RBFOX1: variants seen among roughly 807,000 people sequenced by gnomAD.
RBFOX1 encodes the protein RNA binding protein fox-1 homolog 1.
RBFOX1 carries 8 observed loss-of-function variants against 57.7 expected under a neutral mutation model. The observed-to-expected ratio is 0.14, with a 90% CI of 0.08 to 0.25. The LOEUF (loss-of-function observed/expected upper bound fraction) is 0.25, where lower values mean the gene tolerates loss of function less well. RBFOX1 is among the 10% of genes least tolerant of loss of function. RBFOX1 has a pLI of 1.00. For synonymous variants in RBFOX1, 326 were observed against 222.4 expected, an observed-to-expected ratio of 1.47 and a Z score of -4.15; for missense variants, 611 against 548.5, an observed-to-expected ratio of 1.11 and a Z score of -1.14.
At chr16:7,683,485 A>G (rs943344962) in intron 14 of RBFOX1, among the ~76,000 whole-genome samples, 4 of 152,050 alleles carry the variant, frequency 2.6e-5, no homozygotes, top group African/African-American at 9.7e-5. Flanking sequence ...AAAAGAACCA[A>G]TCCTGTAACA....
chr16:6,637,485 C>G (rs1338848522), intron 2 of RBFOX1, among the ~76,000 whole-genome samples: 3 of 43,876 alleles, frequency 6.8e-5, no homozygotes, highest in African/African-American at 1.3e-4. Context: ...ATATAATATC[C>G]TATATATTAT....
intron 1 of RBFOX1, among the ~76,000 whole-genome samples, chr16:5,347,999 C>T (rs1019401014): frequency 1.4e-4 from 21 of 146,818 alleles, no homozygotes; most frequent in African/African-American, 5.3e-4. Flanking sequence ...ACCTGCCCAT[C>T]CATCCATCCA....
intron 10 of RBFOX1, among the ~76,000 whole-genome samples, chr16:7,613,433 C>T (rs922226905): frequency 1.3e-5 from 2 of 152,100 alleles, no homozygotes; most frequent in South Asian, 2.1e-4. Context: ...CATGTGATCA[C>T]CAAAGTCACC....
At chr16:6,694,356 A>G (rs76497191) in intron 3 of RBFOX1, among the ~76,000 whole-genome samples, 11,299 of 152,284 alleles carry the variant, frequency 0.074, 466 homozygotes, top group Non-Finnish European at 0.084. Context: ...GAGATTAATT[A>G]TGTAGATTAT....
At chr16:7,405,839 A>G (rs1277276392) in intron 4 of RBFOX1, among the ~76,000 whole-genome samples, 1 of 152,100 alleles carries the variant, frequency 6.6e-6, no homozygotes, top group Non-Finnish European at 1.5e-5. Flanking sequence ...TACCTGGAGC[A>G]TTGAGATCAC....
chr16:7,413,945 A>T lies in RBFOX1; in HGVS notation c.28-104202A>T, dbSNP rs376581146. On this transcript the variant is annotated intron_variant, in intron 4 of 15. Transcript: ENST00000550418. ...GGCACATTGTAACAGCTCATTAGTA[A>T]TTACTTTCCAAACTCCAAGGAGATG... 5.3e-5 allele frequency among the ~76,000 whole-genome samples: 8 copies of T among 152,142 alleles called. No homozygotes were observed. The East Asian group carries it at 1.4e-3, about 26-fold the overall frequency.
intron 4 of RBFOX1, among the ~76,000 whole-genome samples, chr16:7,373,503 C>T (rs948903171): frequency 6.6e-6 from 1 of 152,116 alleles, no homozygotes; most frequent in Non-Finnish European, 1.5e-5. Flanking sequence ...TGTTAATCTC[C>T]AGTCCCTTGT....
chr16:6,663,363 G>A (rs2098713034), intron 3 of RBFOX1, among the ~76,000 whole-genome samples: 1 of 152,100 alleles, frequency 6.6e-6, no homozygotes, highest in Non-Finnish European at 1.5e-5. Context: ...CCTGGTTTAG[G>A]GCTTATATGC....
intron 4 of RBFOX1, among the ~76,000 whole-genome samples, chr16:7,514,325 C>T (rs2075866506): frequency 6.6e-6 from 1 of 152,316 alleles, no homozygotes; most frequent in African/African-American, 2.4e-5. Flanking sequence ...CCTACCCTAT[C>T]TCCTGCTGCC....
chr16:5,733,484 G>A (rs1194170088), intron 3 of RBFOX1, among the ~76,000 whole-genome samples: 4 of 152,176 alleles, frequency 2.6e-5, no homozygotes, highest in Non-Finnish European at 5.9e-5. Context: ...TGCTGTCAGT[G>A]GAGTAGCTGC....
intron 4 of RBFOX1, among the ~76,000 whole-genome samples, chr16:7,091,490 G>C (rs958933118): frequency 6.6e-6 from 1 of 151,760 alleles, no homozygotes; most frequent in East Asian, 1.9e-4. Context: ...ATGCCAGGCG[G>C]CAGCATCTCT....
intron 4 of RBFOX1, among the ~76,000 whole-genome samples, chr16:7,246,633 C>CTTTTTTTTTTTTTTTTTTTTTTTTT (rs56654382): frequency 9.5e-6 from 1 of 105,500 alleles, no homozygotes; most frequent in African/African-American, 4.3e-5. Flanking sequence ...TGGTCACCTC[C>CTTTTTTTTTTTTTTTTTTTTTTTTT]TTTTTTTTTT....
Position 6,097,847 on chromosome 16 carries a change from G to C in RBFOX1, c.-127+77855G>C, listed in dbSNP as rs2096263508. Among the ~76,000 whole-genome samples, 3 of 151,946 alleles carry C rather than the reference G, an allele frequency of 2.0e-5. No individual in the cohort carries two copies. The highest frequency in any genetic ancestry group is 2.0e-4 in the Admixed American group (3 of 15,250). On this transcript the variant is annotated intron_variant, in intron 1 of 15. Coordinates refer to ENST00000550418, the MANE Select transcript of RBFOX1 (RefSeq NM_018723.4). This position sits in a 1 kb window ranked among gnomAD's most constrained non-coding sequence, Gnocchi z 5.0. ...TTACTGGTGGAGTGGAAGTCCCTTG[G>C]AAGTGGGGGACGTGTCTGATTTGTG...
At chr16:6,916,613 G>A (rs1390331238) in intron 3 of RBFOX1, among the ~76,000 whole-genome samples, 4 of 151,890 alleles carry the variant, frequency 2.6e-5, no homozygotes, top group African/African-American at 9.7e-5. Context: ...ATCTTGCAAC[G>A]CTATTGGCCG....
intron 2 of RBFOX1, among the ~76,000 whole-genome samples, chr16:5,479,434 G>A (rs781549242): frequency 1.2e-4 from 18 of 152,160 alleles, no homozygotes; most frequent in Admixed American, 9.2e-4. Flanking sequence ...CGCCAAGGCT[G>A]AGCTTCAGGC....
intron 1 of RBFOX1, among the ~76,000 whole-genome samples, chr16:5,299,573 T>C (rs2063754870): frequency 6.6e-6 from 1 of 152,250 alleles, no homozygotes; most frequent in Admixed American, 6.5e-5. Context: ...AATTGTTTCA[T>C]GTTCTCACCA....
At chr16:6,314,506 G>A (rs1490287204) in intron 1 of RBFOX1, among the ~76,000 whole-genome samples, 1 of 152,182 alleles carries the variant, frequency 6.6e-6, no homozygotes, top group Non-Finnish European at 1.5e-5. Context: ...GACCTTCCAT[G>A]AGTTCAAATG....
At position 7,711,861 on chromosome 16, in the gene RBFOX1, A is replaced by G. The variant is rs188891150; in HGVS notation, c.*1116A>G. On this transcript the variant is annotated 3_prime_UTR_variant, in exon 16 of 16. Coordinates refer to ENST00000550418, the MANE Select transcript of RBFOX1 (RefSeq NM_018723.4). The stretch of plus-strand genomic sequence containing the variant: ...GAGTAGAGATAATCATGGTATTTTC[A>G]TCAGCTTGGTACTTTTTGAAACGTG... 1 of 152,732 alleles carries G rather than the reference A, an allele frequency of 6.5e-6. No homozygotes were observed. Among genetic ancestry groups the G allele is most frequent in the African/African-American group, 2.4e-5 (1 of 41,574 alleles). The allele number at this position is 152,732 out of a possible 1,614,324, so 9.5% of individuals were successfully genotyped here.
intron 5 of RBFOX1, among the ~76,000 whole-genome samples, chr16:7,529,763 C>G (rs1415947535): frequency 6.6e-6 from 1 of 152,120 alleles, no homozygotes; most frequent in Non-Finnish European, 1.5e-5. Flanking sequence ...AATCCCAGCA[C>G]TTTGGGAGGC....
Sources: allele counts gnomAD v4.1 joint callset (sites outside exome capture counted in the v4.1 genomes callset), GRCh38; gene constraint gnomAD v4.1.1; non-coding constraint Gnocchi (gnomAD v3.1); transcripts MANE v1.5; gene names NCBI Gene and HGNC (gene_info 2026-07-23, HGNC 2026-07-21).